The following FBXL4 variants were observed in gnomAD, a reference collection of about 807,000 sequenced individuals.
FBXL4 encodes the protein F-box and leucine rich repeat protein 4.
In FBXL4, 40 loss-of-function variants were observed where a neutral mutation model predicts 58.9. The ratio of observed to expected loss-of-function variants is 0.68; its 90% CI spans 0.53 to 0.88. The LOEUF (loss-of-function observed/expected upper bound fraction) is 0.88. FBXL4 is among the 40% of genes least tolerant of loss of function. The pLI, the probability that FBXL4 is intolerant of heterozygous loss-of-function variation, is 0.00. For synonymous variants in FBXL4, 263 were observed against 265.5 expected, an observed-to-expected ratio of 0.99 and a Z score of 0.09; for missense variants, 676 against 734.4, an observed-to-expected ratio of 0.92 and a Z score of 0.92.
At chr6:98,907,674 GA>G (rs1297818653) in intron 5 of FBXL4, among the ~76,000 whole-genome samples, 1 of 152,014 alleles carries the variant, frequency 6.6e-6, no homozygotes, top group Admixed American at 6.5e-5. Context: ...TTAGATGAGA[GA>G]GGGTTTTTTT....
chr6:98,926,337 C>A, intron 4 of FBXL4, 140 bp downstream of exon 4: 1 of 779,886 alleles, frequency 1.3e-6, no homozygotes, highest in South Asian at 2.0e-5. Flanking sequence ...CTCTCTTCCC[C>A]ATCAGAAAAC....
intron 5 of FBXL4, among the ~76,000 whole-genome samples, chr6:98,914,888 T>C (rs1772271880): frequency 6.6e-6 from 1 of 152,204 alleles, no homozygotes; most frequent in Non-Finnish European, 1.5e-5. Context: ...TGTCCCTGTT[T>C]GCACACAACA....
Position 98,917,698 on chromosome 6 carries a change from C to T in FBXL4, c.534G>A (p.Glu178=). ...AEVRWEILWS[E]RPTKVNASQA... is the part of the protein sequence containing the mutation. Reference sequence around the variant, plus strand: ...GGGAAGCATTCACCTTCGTAGGTCTCTCTGACCAAAGAATCTCCCATCTGC... The same window carrying T: ...GGGAAGCATTCACCTTCGTAGGTCTTTCTGACCAAAGAATCTCCCATCTGC... The change falls in exon 5 of 10, where the codon GAG becomes GAA. Residue 178 remains glutamate (E), a synonymous_variant. Coordinates refer to ENST00000369244, the MANE Select transcript of FBXL4 (RefSeq NM_001278716.2). The T allele has an allele frequency of 6.2e-7, 1 of 1,602,420 alleles. No individual in the cohort carries two copies. The highest frequency in any genetic ancestry group is 1.1e-5 in the South Asian group (1 of 88,924).
chr6:98,932,822 C>G (rs1336505384), intron 2 of FBXL4, among the ~76,000 whole-genome samples: 3 of 147,410 alleles, frequency 2.0e-5, no homozygotes, highest in East Asian at 2.0e-4. Flanking sequence ...AAAGGACAGG[C>G]AATAAGGCAC....
chr6:98,910,823 G>T (rs1012355133), intron 5 of FBXL4, among the ~76,000 whole-genome samples: 1 of 152,130 alleles, frequency 6.6e-6, no homozygotes, highest in Non-Finnish European at 1.5e-5. Flanking sequence ...CCAGATAGTG[G>T]GCGCAGGACA....
intron 2 of FBXL4, among the ~76,000 whole-genome samples, chr6:98,929,645 T>C (rs1405400986): frequency 6.6e-6 from 1 of 151,260 alleles, no homozygotes; most frequent in South Asian, 2.1e-4. Flanking sequence ...GGTCAGGGGC[T>C]GAAGCTAACA....
chr6:98,917,714 TCCCATCTGC>T lies in FBXL4; in HGVS notation c.513-4_517del. The T allele has an allele frequency of 6.3e-7, 1 of 1,587,904 alleles. No homozygotes were observed. The highest frequency in any genetic ancestry group is 8.5e-7 in the Non-Finnish European group (1 of 1,170,196). The stretch of plus-strand genomic sequence containing the variant: ...CGTAGGTCTCTCTGACCAAAGAATC[TCCCATCTGC>T]CAAAAAAAGAAACTTCCCTATAATA... On this transcript the variant is annotated splice_acceptor_variant and splice_polypyrimidine_tract_variant and coding_sequence_variant and intron_variant, in exon 5 of 10. Transcript: ENST00000369244. LOFTEE classifies it high-confidence loss of function.
At chr6:98,919,820 T>C (rs1349549353) in intron 4 of FBXL4, among the ~76,000 whole-genome samples, 2 of 152,182 alleles carry the variant, frequency 1.3e-5, no homozygotes, top group African/African-American at 2.4e-5. Context: ...ATAGAATACA[T>C]GAAGAAATTC....
At chr6:98,936,554 A>G (rs1443446695) in intron 1 of FBXL4, among the ~76,000 whole-genome samples, 1 of 152,184 alleles carries the variant, frequency 6.6e-6, no homozygotes, top group Non-Finnish European at 1.5e-5. Flanking sequence ...GACAATGAGG[A>G]TGAATACCTT....
intron 7 of FBXL4, among the ~76,000 whole-genome samples, chr6:98,892,139 T>C (rs1771250815): frequency 6.6e-6 from 1 of 152,250 alleles, no homozygotes; most frequent in Non-Finnish European, 1.5e-5. Context: ...TTATCTGTGA[T>C]AATTAAACTT....
At chr6:98,918,260 A>T (rs991050912) in intron 4 of FBXL4, among the ~76,000 whole-genome samples, 1 of 152,158 alleles carries the variant, frequency 6.6e-6, no homozygotes, top group Non-Finnish European at 1.5e-5. Context: ...CTTCTCCTGA[A>T]TTTCCATTTT....
chr6:98,881,672 A>T (rs1214628848), intron 7 of FBXL4, among the ~76,000 whole-genome samples: 3 of 152,080 alleles, frequency 2.0e-5, no homozygotes, highest in Non-Finnish European at 2.9e-5. Context: ...CAAAAATAAT[A>T]ATAGTTACAA....
chr6:98,927,170 T>C, intron 3 of FBXL4, 110 bp from the exon 4 acceptor site: 1 of 539,076 alleles, frequency 1.9e-6, no homozygotes, highest in Non-Finnish European at 3.2e-6. Flanking sequence ...AGAATGAAAC[T>C]AAAAAAACAA....
chr6:98,879,682 ACCAG>A (rs1414321825), intron 8 of FBXL4, among the ~76,000 whole-genome samples: 1 of 151,840 alleles, frequency 6.6e-6, no homozygotes, highest in Non-Finnish European at 1.5e-5. Context: ...GGAGTTCAAG[ACCAG>A]CCTACCCAAT....
chr6:98,912,612 G>A (rs768830697), intron 5 of FBXL4, among the ~76,000 whole-genome samples: 108 of 151,736 alleles, frequency 7.1e-4, no homozygotes, highest in Non-Finnish European at 1.0e-3. Flanking sequence ...AATACTTCAC[G>A]GACAAGCAAA....
chr6:98,880,494 C>T (rs1466809565), intron 8 of FBXL4, 59 bp downstream of exon 8: 2 of 1,403,210 alleles, frequency 1.4e-6, no homozygotes, highest in African/African-American at 2.8e-5. Context: ...TACATTTCAC[C>T]CATAGGAAGA....
At position 98,897,436 on chromosome 6, in the gene FBXL4, C is replaced by T. The variant is rs72627756; in HGVS notation, c.1317+1832G>A. The T allele has an allele frequency of 6.9e-3, 5,140 of 746,340 alleles. 293 individuals carry two copies. In the East Asian group the frequency reaches 0.19, roughly 28 times the overall value. 46.2% of individuals were successfully genotyped at this position (746,340 alleles called of 1,614,324 possible). A position where few individuals can be genotyped will look rare whatever the true frequency, so the allele number is the denominator to read the frequency against. On this transcript the variant is annotated intron_variant, in intron 7 of 9. Coordinates refer to ENST00000369244, the MANE Select transcript of FBXL4 (RefSeq NM_001278716.2). Reference sequence around the variant, plus strand: ...CTGGAAATCTGAGACAATGTCTTCACCTAGATTACCAAGCTTATTGCTGGC... The same window carrying T: ...CTGGAAATCTGAGACAATGTCTTCATCTAGATTACCAAGCTTATTGCTGGC...
intron 7 of FBXL4, among the ~76,000 whole-genome samples, chr6:98,887,232 C>A (rs537576471): frequency 2.0e-5 from 3 of 152,318 alleles, no homozygotes; most frequent in Non-Finnish European, 2.9e-5. Context: ...TGCCACTGTA[C>A]TCCAGCCTAA....
chr6:98,910,106 TA>T (rs1165741671), intron 5 of FBXL4, among the ~76,000 whole-genome samples: 2 of 152,230 alleles, frequency 1.3e-5, no homozygotes, highest in Non-Finnish European at 2.9e-5. Flanking sequence ...TTTGAGTCTA[TA>T]AAGTTTCCTT....
Sources: allele counts gnomAD v4.1 joint callset (sites outside exome capture counted in the v4.1 genomes callset), GRCh38; gene constraint gnomAD v4.1.1; transcripts MANE v1.5; gene names NCBI Gene and HGNC (gene_info 2026-07-23, HGNC 2026-07-21).